Variants in L3MBTL2 observed in about 807,000 individuals in gnomAD.
L3MBTL2 encodes L3MBTL histone methyl-lysine binding protein 2.
In L3MBTL2, 49 loss-of-function variants were observed where a neutral mutation model predicts 86.4. That is an observed-to-expected ratio of 0.57 (90% CI 0.45 to 0.72). L3MBTL2 has a LOEUF of 0.72. Ranked by LOEUF, L3MBTL2 falls within the 30% of genes least tolerant of loss-of-function variation. The pLI, the probability that L3MBTL2 is intolerant of heterozygous loss-of-function variation, is 0.00. For missense variants in L3MBTL2, 755 were observed against 923.7 expected (o/e 0.82, Z 2.37); for synonymous variants, 336 against 350.6 (o/e 0.96, Z 0.47).
intron 5 of L3MBTL2, chr22:41,218,968 GC>G (rs1192995585): frequency 6.4e-6 from 1 of 157,220 alleles, no homozygotes; most frequent in Non-Finnish European, 1.4e-5. Context: ...GAGTAAACTT[GC>G]AGGTGGATGG....
At chr22:41,207,900 C>T (rs146418699) in intron 1 of L3MBTL2, among the ~76,000 whole-genome samples, 2,730 of 151,274 alleles carry the variant, frequency 0.018, 88 homozygotes, top group African/African-American at 0.063. Context: ...GGTGCAATCT[C>T]GGCTCACTGC....
At chr22:41,212,820 G>A (rs1263953088) in intron 2 of L3MBTL2, among the ~76,000 whole-genome samples, 1 of 151,312 alleles carries the variant, frequency 6.6e-6, no homozygotes, top group African/African-American at 2.4e-5. Flanking sequence ...CCTTGAACCC[G>A]GGAGTCGAAG....
intron 1 of L3MBTL2, chr22:41,208,286 C>A: frequency 2.3e-6 from 1 of 441,648 alleles, no homozygotes; most frequent in Non-Finnish European, 4.5e-6. Context: ...CATGCCACCA[C>A]ACCTGGCTAA....
chr22:41,209,477 G>A, intron 1 of L3MBTL2: 1 of 521,670 alleles, frequency 1.9e-6, no homozygotes, highest in Non-Finnish European at 3.5e-6. Flanking sequence ...AGAGGAGCCT[G>A]GTGAATTCCT....
intron 1 of L3MBTL2, chr22:41,209,397 G>A (rs778580631): frequency 1.5e-5 from 4 of 275,096 alleles, no homozygotes; most frequent in African/African-American, 4.4e-5. Context: ...ATGAGCCACC[G>A]CACCTGGCCC....
chr22:41,228,272 A>G (rs2032329294), intron 15 of L3MBTL2: 1 of 984,912 alleles, frequency 1.0e-6, no homozygotes, highest in African/African-American at 1.7e-5. Context: ...TGTCATTCTT[A>G]CCTCGAGACC....
At chr22:41,223,894 C>T in intron 8 of L3MBTL2, 126 bp from the exon 9 acceptor site, 3 of 736,552 alleles carry the variant, frequency 4.1e-6, no homozygotes, top group South Asian at 1.7e-5. Flanking sequence ...GTCTCATCTG[C>T]CACCTCCCGA....
chr22:41,230,308 A>G lies in L3MBTL2; in HGVS notation c.*57A>G, dbSNP rs988730430. The G allele has an allele frequency of 2.4e-6, 3 of 1,272,308 alleles. No individual in the cohort carries two copies. The African/African-American group carries it at 4.4e-5, about 19-fold the overall frequency. 78.8% of individuals were successfully genotyped at this position (1,272,308 alleles called of 1,614,324 possible). On this transcript the variant is annotated 3_prime_UTR_variant, in exon 17 of 17. Coordinates refer to ENST00000216237, the MANE Select transcript of L3MBTL2 (RefSeq NM_031488.5). Reference sequence around the variant, plus strand: ...GAAGCCAGCCCAGCGTTTCTCTACCACCACCACCATGCCTCCACCTGACTT... The same window carrying G: ...GAAGCCAGCCCAGCGTTTCTCTACCGCCACCACCATGCCTCCACCTGACTT...
chr22:41,211,821 T>C (rs909755081), intron 2 of L3MBTL2, among the ~76,000 whole-genome samples: 1 of 145,654 alleles, frequency 6.9e-6, no homozygotes, highest in Non-Finnish European at 1.5e-5. Flanking sequence ...CCTCCAAAAA[T>C]GCTGGGATTA....
Position 41,219,406 on chromosome 22 carries a change from C to A in L3MBTL2, c.601-13C>A, listed in dbSNP as rs777469730. The A allele has an allele frequency of 1.9e-6, 3 of 1,589,534 alleles. No individual in the cohort carries two copies. The highest frequency in any genetic ancestry group is 2.2e-5 in the South Asian group (2 of 90,498). On this transcript the variant is annotated splice_polypyrimidine_tract_variant and intron_variant, in intron 5 of 16. Coordinates refer to ENST00000216237, the MANE Select transcript of L3MBTL2 (RefSeq NM_031488.5). ...TTAGCTCACTCTCTCGGTACACTCTCATCGCCACACAGGTCCCACTCTATG... is the reference window on the plus strand; with the variant it reads ...TTAGCTCACTCTCTCGGTACACTCTAATCGCCACACAGGTCCCACTCTATG...
At position 41,211,623 on chromosome 22, in the gene L3MBTL2, C is replaced by T. The variant is rs1411515060; in HGVS notation, c.262+1690C>T. Among the ~76,000 whole-genome samples, 207 of 134,892 alleles carry T rather than the reference C, an allele frequency of 1.5e-3. 3 individuals are homozygous for T. The highest frequency in any genetic ancestry group is 5.7e-3 in the African/African-American group (199 of 34,794). The allele number at this position is 134,892 out of a possible 152,430, so 88.5% of individuals were successfully genotyped here. ...CCAGGCTGGAATGCAGTGACATGATCTTGGCTCACTGCAAGTTCCGCCTCC... is the reference window on the plus strand; with the variant it reads ...CCAGGCTGGAATGCAGTGACATGATTTTGGCTCACTGCAAGTTCCGCCTCC... On this transcript the variant is annotated intron_variant, in intron 2 of 16. Transcript: ENST00000216237.
intron 16 of L3MBTL2, 44 bp from the exon 17 acceptor site, chr22:41,230,095 G>A (rs780457691): frequency 5.6e-6 from 1 of 177,966 alleles, no homozygotes; most frequent in Admixed American, 1.1e-4. Context: ...ACCCCTCCCA[G>A]AGTTATTTAC....
At position 41,216,279 on chromosome 22, in the gene L3MBTL2, C is replaced by G; in HGVS notation, c.520+17C>G. The stretch of plus-strand genomic sequence containing the variant: ...GACAAGACGGTAAGATAGCAGAGGG[C>G]CCTGCTTAGGAAGCTGCCGTGGCTG... On this transcript the variant is annotated intron_variant, in intron 4 of 16. Coordinates refer to ENST00000216237, the MANE Select transcript of L3MBTL2 (RefSeq NM_031488.5). 9 of 1,608,110 alleles carry G rather than the reference C, an allele frequency of 5.6e-6. No individual in the cohort carries two copies. The highest frequency in any genetic ancestry group is 7.7e-6 in the Non-Finnish European group (9 of 1,175,244).
chr22:41,221,096 A>AGTCCCCACTGCTGAGGG (rs1175958180), intron 7 of L3MBTL2, 103 bp from the exon 8 acceptor site: 1 of 1,061,752 alleles, frequency 9.4e-7, no homozygotes, highest in Non-Finnish European at 1.4e-6. Flanking sequence ...AGCTATTTTC[A>AGTCCCCACTGCTGAGGG]GTCCCCACTG....
chr22:41,210,037 G>T (rs2030596313), intron 2 of L3MBTL2, 104 bp downstream of exon 2: 3 of 1,466,594 alleles, frequency 2.0e-6, no homozygotes, highest in South Asian at 1.3e-5. Flanking sequence ...GATGTAAAAG[G>T]CTATTAACTC....
intron 3 of L3MBTL2, among the ~76,000 whole-genome samples, chr22:41,214,987 G>C (rs1158557680): frequency 8.2e-6 from 1 of 122,378 alleles, no homozygotes; most frequent in Non-Finnish European, 1.7e-5. Flanking sequence ...CTCCAGCCTG[G>C]GGGGAAAATA....
chr22:41,212,916 T>G (rs1397183529), intron 2 of L3MBTL2, among the ~76,000 whole-genome samples: 85 of 139,600 alleles, frequency 6.1e-4, no homozygotes, highest in African/African-American at 2.3e-3. Context: ...AAAAGTGAAG[T>G]CACGATTAAA....
rs757432484 is a variant in L3MBTL2 at position 41,230,957 on chromosome 22, C to T, written c.*706C>T. 1 of 152,190 alleles carries T rather than the reference C, an allele frequency of 6.6e-6. No homozygotes were observed. The highest frequency in any genetic ancestry group is 1.5e-5 in the Non-Finnish European group (1 of 68,042). The allele number at this position is 152,190 out of a possible 1,614,324, so 9.4% of individuals were successfully genotyped here. On this transcript the variant is annotated 3_prime_UTR_variant, in exon 17 of 17. Transcript: ENST00000216237. ...CTAAAGGAAATGCCCCCGGGGAGGA[C>T]ATTGGGAGGAAGATGGCCTGAGTGT...
chr22:41,221,004 C>T (rs2031772410), intron 7 of L3MBTL2, 136 bp downstream of exon 7: 3 of 1,104,970 alleles, frequency 2.7e-6, no homozygotes, highest in African/African-American at 3.2e-5. Context: ...GCTTCCTGCC[C>T]TCCCCATCCC....
Sources: allele counts gnomAD v4.1 joint callset (sites outside exome capture counted in the v4.1 genomes callset), GRCh38; gene constraint gnomAD v4.1.1; transcripts MANE v1.5; gene names NCBI Gene and HGNC (gene_info 2026-07-23, HGNC 2026-07-21).